Variants in NRXN1 observed in about 807,000 individuals in gnomAD.
The protein encoded by NRXN1 is neurexin 1, also known as neurexin-1.
Under a neutral mutation model 150.9 loss-of-function variants are expected in NRXN1, and 39 were observed. The ratio of observed to expected loss-of-function variants is 0.26; its 90% confidence interval spans 0.20 to 0.34. The LOEUF is 0.34. NRXN1 is among the 10% of genes least tolerant of loss of function. The pLI, the probability that NRXN1 is intolerant of heterozygous loss-of-function variation, is 1.00. For synonymous variants in NRXN1, 924 were observed against 757.0 expected, an observed-to-expected ratio of 1.22 and a Z score of -3.62; for missense variants, 1,815 against 1,949.9, an observed-to-expected ratio of 0.93 and a Z score of 1.30.
chr2:50,382,866 C>T (rs1031113257), intron 17 of NRXN1, among the ~76,000 whole-genome samples: 16 of 152,178 alleles, frequency 1.1e-4, no homozygotes, highest in African/African-American at 3.4e-4. Context: ...ACCAGGCTAA[C>T]TCAGAGATAA....
intron 17 of NRXN1, among the ~76,000 whole-genome samples, chr2:50,421,876 G>C (rs1316623635): frequency 6.6e-6 from 1 of 152,082 alleles, no homozygotes; most frequent in African/African-American, 2.4e-5. Context: ...ATTTGGGATA[G>C]TCAATTTACA....
intron 5 of NRXN1, among the ~76,000 whole-genome samples, chr2:50,733,100 C>T (rs1008285136): frequency 6.6e-6 from 1 of 152,108 alleles, no homozygotes; most frequent in Non-Finnish European, 1.5e-5. Flanking sequence ...GAGGAAAAGG[C>T]TTCTATTAAA....
chr2:51,022,598 T>C (rs1455230510), intron 2 of NRXN1, among the ~76,000 whole-genome samples: 4 of 152,160 alleles, frequency 2.6e-5, no homozygotes, highest in East Asian at 3.9e-4. Flanking sequence ...ATCAAAACTA[T>C]TGATGAGTTT....
At chr2:49,956,487 C>T (rs2104506133) in intron 21 of NRXN1, among the ~76,000 whole-genome samples, 2 of 152,202 alleles carry the variant, frequency 1.3e-5, no homozygotes, top group Middle Eastern at 3.4e-3. Context: ...TATTTTTCTC[C>T]TTTTCCCTTT....
chr2:50,252,817 T>A (rs1574755988), intron 17 of NRXN1, among the ~76,000 whole-genome samples: 1 of 152,276 alleles, frequency 6.6e-6, no homozygotes, highest in South Asian at 2.1e-4. Flanking sequence ...ACTGTAGCCT[T>A]GTAGTATAGT....
intron 17 of NRXN1, among the ~76,000 whole-genome samples, chr2:50,260,858 G>A (rs977373437): frequency 6.6e-6 from 1 of 151,618 alleles, no homozygotes; most frequent in Non-Finnish European, 1.5e-5. Flanking sequence ...AAAATCCTCA[G>A]GAGATCAGTC....
chr2:49,932,838 A>G (rs967086374), intron 22 of NRXN1, among the ~76,000 whole-genome samples: 6 of 152,134 alleles, frequency 3.9e-5, no homozygotes, highest in Admixed American at 6.5e-5. Flanking sequence ...TCATAACACT[A>G]TGTGGTGTAG....
intron 5 of NRXN1, chr2:50,637,575 G>C (rs1382139850): frequency 6.6e-6 from 1 of 152,198 alleles, no homozygotes; most frequent in South Asian, 2.1e-4. Context: ...AGATACTCTG[G>C]GTAAACCCAA....
chr2:50,950,849 C>A (rs1419305406), intron 2 of NRXN1, among the ~76,000 whole-genome samples: 1 of 152,178 alleles, frequency 6.6e-6, no homozygotes, highest in Non-Finnish European at 1.5e-5. Context: ...ATTATCATCT[C>A]CATTTTACAG....
intron 17 of NRXN1, among the ~76,000 whole-genome samples, chr2:50,378,818 A>G (rs1197536463): frequency 6.6e-6 from 1 of 152,162 alleles, no homozygotes; most frequent in Admixed American, 6.6e-5. Context: ...TTTAAGAGGG[A>G]AACTCTTCCT....
Position 50,388,065 on chromosome 2 carries a change from C to A in NRXN1, c.3364+77377G>T, listed in dbSNP as rs568617184. On this transcript the variant is annotated intron_variant, in intron 17 of 22. Transcript: ENST00000401669. ...ATCTTTTACTTGAAACTTTTTGATGCCTCAACCCCTTACAGATTTAAGGTA... is the reference window on the plus strand; with the variant it reads ...ATCTTTTACTTGAAACTTTTTGATGACTCAACCCCTTACAGATTTAAGGTA... Among the ~76,000 whole-genome samples the A allele has an allele frequency of 8.5e-5, 13 of 152,228 alleles. 1 individual carries two copies. In the South Asian group the frequency reaches 2.7e-3, roughly 32 times the overall value.
intron 17 of NRXN1, among the ~76,000 whole-genome samples, chr2:50,431,443 A>G (rs1268340281): frequency 1.3e-5 from 2 of 152,142 alleles, no homozygotes; most frequent in African/African-American, 4.8e-5. Context: ...GAGATTGGGC[A>G]TTTTTCAAGA....
intron 15 of NRXN1, among the ~76,000 whole-genome samples, chr2:50,479,740 T>C (rs188801120): frequency 2.6e-5 from 4 of 151,428 alleles, no homozygotes; most frequent in African/African-American, 9.7e-5. Flanking sequence ...TGTGGAAAAT[T>C]TTTCATCTAC....
At chr2:50,472,827 GTGTATA>G (rs1340392816) in intron 15 of NRXN1, among the ~76,000 whole-genome samples, 30 of 77,742 alleles carry the variant, frequency 3.9e-4, no homozygotes, top group Non-Finnish European at 7.5e-4. Flanking sequence ...GTGTGTGTGT[GTGTATA>G]TATATATATA....
At chr2:49,955,275 C>T (rs527299268) in intron 21 of NRXN1, among the ~76,000 whole-genome samples, 34 of 152,112 alleles carry the variant, frequency 2.2e-4, no homozygotes, top group African/African-American at 7.0e-4. Context: ...TAGGAATACA[C>T]CTAAGAGTGG....
At chr2:50,194,628 G>C (rs1385845721) in intron 18 of NRXN1, among the ~76,000 whole-genome samples, 2 of 152,116 alleles carry the variant, frequency 1.3e-5, no homozygotes, top group African/African-American at 4.8e-5. Context: ...TTGAATTCCA[G>C]TGTCATCTTT....
At chr2:50,795,231 G>C (rs187051093) in intron 5 of NRXN1, among the ~76,000 whole-genome samples, 193 of 152,138 alleles carry the variant, frequency 1.3e-3, no homozygotes, top group African/African-American at 4.4e-3. Flanking sequence ...AGTAGGTTTG[G>C]AGAGCCCCCA....
intron 18 of NRXN1, among the ~76,000 whole-genome samples, chr2:50,158,508 C>G (rs549099382): frequency 6.6e-6 from 1 of 151,964 alleles, no homozygotes; most frequent in Non-Finnish European, 1.5e-5. Context: ...CATTGTTATC[C>G]CAATGTTAAT....
chr2:50,465,916 C>A (rs1161960538), intron 16 of NRXN1, among the ~76,000 whole-genome samples: 1 of 151,626 alleles, frequency 6.6e-6, no homozygotes, highest in Non-Finnish European at 1.5e-5. Context: ...AACATTCTGA[C>A]CAATGAATAG....
Sources: allele counts gnomAD v4.1 joint callset (sites outside exome capture counted in the v4.1 genomes callset), GRCh38; gene constraint gnomAD v4.1.1; transcripts MANE v1.5; gene names NCBI Gene and HGNC (gene_info 2026-07-23, HGNC 2026-07-21).